Variants in PPFIBP1 observed in about 807,000 individuals in gnomAD.
PPFIBP1 encodes the protein liprin-beta-1.
A neutral mutation model predicts 137.8 loss-of-function variants in PPFIBP1; 112 were observed. The ratio of observed to expected loss-of-function variants is 0.81; its 90% CI spans 0.70 to 0.95. The LOEUF (loss-of-function observed/expected upper bound fraction) is 0.95. PPFIBP1 is among the 40% of genes least tolerant of loss of function. The probability of loss-of-function intolerance (pLI) is 0.00; values close to 1 mark genes in which losing one functional copy is unlikely to be tolerated. For missense variants in PPFIBP1, 1,083 were observed against 1,196.6 expected, an observed-to-expected ratio of 0.91 and a Z score of 1.40; for synonymous variants, 378 against 417.3, an observed-to-expected ratio of 0.91 and a Z score of 1.15.
At chr12:27,551,170 C>G (rs1946740203) in intron 1 of PPFIBP1, among the ~76,000 whole-genome samples, 1 of 152,008 alleles carries the variant, frequency 6.6e-6, no homozygotes, top group African/African-American at 2.4e-5. Context: ...TACTTATAAC[C>G]ACGACAGACC....
intron 1 of PPFIBP1, among the ~76,000 whole-genome samples, chr12:27,568,368 G>T (rs2049863058): frequency 6.6e-6 from 1 of 152,166 alleles, no homozygotes; most frequent in African/African-American, 2.4e-5. Flanking sequence ...ATCAAAGTTT[G>T]CAGGGGAGAG....
chr12:27,556,955 C>A (rs200152340), intron 1 of PPFIBP1, among the ~76,000 whole-genome samples: 2 of 149,184 alleles, frequency 1.3e-5, no homozygotes. Flanking sequence ...CCCCACCCCT[C>A]AAAAAAAAAA....
chr12:27,546,691 A>C (rs67974006), intron 1 of PPFIBP1, among the ~76,000 whole-genome samples: 22,455 of 152,248 alleles, frequency 0.15, 1,943 homozygotes, highest in Middle Eastern at 0.25. Context: ...TCTATCAGTT[A>C]CACAGGAATT....
Position 27,673,804 on chromosome 12 carries a change from C to G in PPFIBP1, c.1357C>G (p.Leu453Val). ...GCAGAAGTCCAGCAGCCTGGGCAAT[C>G]TGAAGAAAGAGACATCTGATGGGGT... ...SLQKSSSLGN[L>V]KKETSDGEKE... The change falls in exon 16 of 30, where the codon CTG (leucine) becomes GTG (valine). Residue 453 changes from leucine to valine, a missense_variant. Coordinates refer to ENST00000228425, the MANE Select transcript of PPFIBP1 (RefSeq NM_003622.4). The G allele has an allele frequency of 6.2e-7, 1 of 1,613,660 alleles. No individual in the cohort carries two copies. Among genetic ancestry groups the G allele is most frequent in the Non-Finnish European group, 8.5e-7 (1 of 1,179,704 alleles).
At position 27,682,642 on chromosome 12, in the gene PPFIBP1, A is replaced by T. The variant is rs1318360952; in HGVS notation, c.2186A>T (p.Gln729Leu). ...TGGTTGGATGACATTGGCCTCCCTC[A>T]ATATAAGACCCAGTTTGATGAAGGA... ...TRWLDDIGLPQYKTQFDEGRV... is the reference protein window; with the variant it reads ...TRWLDDIGLPLYKTQFDEGRV... The change falls in exon 24 of 30, where the codon CAA becomes CTA. Residue 729 changes from glutamine (Q) to leucine (L), a missense_variant. Physicochemically the swap from Gln to Leu is moderately radical, Grantham distance 113. Coordinates refer to ENST00000228425, the MANE Select transcript of PPFIBP1 (RefSeq NM_003622.4). The T allele has an allele frequency of 1.9e-6, 3 of 1,614,028 alleles. No individual in the cohort carries two copies. The highest frequency in any genetic ancestry group is 2.5e-6 in the Non-Finnish European group (3 of 1,180,028).
intron 2 of PPFIBP1, among the ~76,000 whole-genome samples, chr12:27,603,742 T>G (rs995900500): frequency 6.6e-6 from 1 of 152,118 alleles, no homozygotes; most frequent in Non-Finnish European, 1.5e-5. Flanking sequence ...GCATCTCTAG[T>G]TGGGGTGGAA....
At chr12:27,525,380 A>G (rs921382277) in intron 1 of PPFIBP1, among the ~76,000 whole-genome samples, 2 of 151,886 alleles carry the variant, frequency 1.3e-5, no homozygotes, top group African/African-American at 4.8e-5. Flanking sequence ...TCTTTTTCCT[A>G]TGTGGAGATT....
At chr12:27,529,679 G>A (rs1944188853) in intron 1 of PPFIBP1, among the ~76,000 whole-genome samples, 1 of 152,198 alleles carries the variant, frequency 6.6e-6, no homozygotes, top group Admixed American at 6.5e-5. Context: ...GGGCAACAGA[G>A]CAAGACTCTG....
chr12:27,615,232 T>C (rs990630523), intron 2 of PPFIBP1, among the ~76,000 whole-genome samples: 2 of 152,244 alleles, frequency 1.3e-5, no homozygotes, highest in Admixed American at 6.5e-5. Context: ...ACAAGTTATT[T>C]GGAAAATTCC....
intron 2 of PPFIBP1, among the ~76,000 whole-genome samples, chr12:27,628,145 G>A (rs530867813): frequency 1.3e-5 from 2 of 152,050 alleles, no homozygotes; most frequent in Non-Finnish European, 1.5e-5. Flanking sequence ...TTGCTATTTT[G>A]TGAGAATTAT....
intron 2 of PPFIBP1, among the ~76,000 whole-genome samples, chr12:27,600,105 G>A (rs1592754945): frequency 6.6e-6 from 1 of 152,136 alleles, no homozygotes; most frequent in South Asian, 2.1e-4. Flanking sequence ...TACTATGTTT[G>A]CAACTTCTCT....
chr12:27,566,080 G>A (rs1442284040), intron 1 of PPFIBP1, among the ~76,000 whole-genome samples: 1 of 151,896 alleles, frequency 6.6e-6, no homozygotes, highest in Admixed American at 6.6e-5. Flanking sequence ...CCCAGAAAGA[G>A]ACTTTACCTT....
intron 1 of PPFIBP1, among the ~76,000 whole-genome samples, chr12:27,528,568 T>G (rs781721455): frequency 6.6e-6 from 1 of 152,188 alleles, no homozygotes; most frequent in East Asian, 1.9e-4. Flanking sequence ...TATTCCACCC[T>G]ACAAAATACA....
intron 1 of PPFIBP1, among the ~76,000 whole-genome samples, chr12:27,565,175 C>G (rs147523429): frequency 1.2e-4 from 19 of 152,226 alleles, no homozygotes; most frequent in African/African-American, 4.6e-4. Flanking sequence ...GGTCAGGGGA[C>G]ACAATTCAAA....
At chr12:27,596,101 CACACACATAT>C (rs1160154614) in intron 2 of PPFIBP1, among the ~76,000 whole-genome samples, 21 of 147,594 alleles carry the variant, frequency 1.4e-4, no homozygotes, top group Non-Finnish European at 2.3e-4. Flanking sequence ...CACACACACA[CACACACATAT>C]GCTTACAAAT....
At chr12:27,667,700 T>C (rs1173562680) in intron 13 of PPFIBP1, among the ~76,000 whole-genome samples, 1 of 152,224 alleles carries the variant, frequency 6.6e-6, no homozygotes, top group East Asian at 1.9e-4. Context: ...AGCATGAGCA[T>C]CTCGTCTCTG....
intron 2 of PPFIBP1, among the ~76,000 whole-genome samples, chr12:27,601,626 T>A (rs2054003821): frequency 3.3e-5 from 5 of 152,178 alleles, no homozygotes; most frequent in Admixed American, 2.0e-4. Context: ...TAGATTCGCC[T>A]CCAGAGTCCA....
rs746336391 is a variant in PPFIBP1 at position 27,667,168 on chromosome 12, A to C, written c.994A>C (p.Lys332Gln). The C allele has an allele frequency of 6.4e-7, 1 of 1,566,416 alleles. No individual in the cohort carries two copies. Among genetic ancestry groups the C allele is most frequent in the Non-Finnish European group, 8.6e-7 (1 of 1,157,918 alleles). Residue 332 changes from lysine to glutamine, a missense_variant and splice_region_variant, in exon 13 of 30, where the codon AAA (lysine) becomes CAA (glutamine). By Grantham distance (53) the Lys-to-Gln change is moderately conservative. Coordinates refer to ENST00000228425, the MANE Select transcript of PPFIBP1 (RefSeq NM_003622.4). ...CTCTTTGTTTTATCTTTTCCTAGGC[A>C]AAGATGGAGAATATGAAGAGCTGCT... The part of the protein sequence containing the change: ...TVVLAQGKKG[K>Q]DGEYEELLNS...
At chr12:27,576,490 A>C (rs113386564) in intron 1 of PPFIBP1, among the ~76,000 whole-genome samples, 3,548 of 152,202 alleles carry the variant, frequency 0.023, 97 homozygotes, top group African/African-American at 0.063. Context: ...TCCTCATGGA[A>C]GTGTAGGTGC....
Sources: gnomAD v4.1 joint callset for allele counts (sites outside exome capture counted in the v4.1 genomes callset) on GRCh38, gnomAD v4.1.1 for gene constraint, MANE v1.5 for transcripts, NCBI Gene and HGNC (gene_info 2026-07-23, HGNC 2026-07-21) for gene names.